The following SUSD1 variants were observed in gnomAD, a reference collection of about 807,000 sequenced individuals.
The protein encoded by SUSD1 is sushi domain-containing protein 1.
SUSD1 carries 65 observed loss-of-function variants against 86.9 expected under a neutral mutation model. The ratio of observed to expected loss-of-function variants is 0.75; its 90% CI spans 0.61 to 0.92. The LOEUF is 0.92. SUSD1 is among the 40% of genes least tolerant of loss of function. The probability of loss-of-function intolerance (pLI) is 0.00; values close to 1 mark genes in which losing one functional copy is unlikely to be tolerated. For synonymous variants in SUSD1, 346 were observed against 350.0 expected (o/e 0.99, Z 0.13); for missense variants, 850 against 929.7 (o/e 0.91, Z 1.11).
At chr9:112,050,953 C>G (rs1828163709) in intron 15 of SUSD1, among the ~76,000 whole-genome samples, 1 of 152,210 alleles carries the variant, frequency 6.6e-6, no homozygotes, top group Admixed American at 6.5e-5. Flanking sequence ...CACTGCATCT[C>G]TAAGGAAAGG....
At chr9:112,055,572 G>A (rs1828411586) in intron 14 of SUSD1, among the ~76,000 whole-genome samples, 1 of 152,156 alleles carries the variant, frequency 6.6e-6, no homozygotes, top group Non-Finnish European at 1.5e-5. Flanking sequence ...ATGGAAAATG[G>A]TATAGCACTA....
intron 8 of SUSD1, among the ~76,000 whole-genome samples, chr9:112,109,338 C>G (rs1830992508): frequency 6.6e-6 from 1 of 152,064 alleles, no homozygotes; most frequent in Non-Finnish European, 1.5e-5. Flanking sequence ...AGGAAAATAG[C>G]ATAACTCCAA....
intron 15 of SUSD1, 178 bp from the exon 16 acceptor site, chr9:112,042,138 C>T (rs1827768718): frequency 3.9e-6 from 6 of 1,539,154 alleles, no homozygotes; most frequent in Middle Eastern, 1.7e-4. Flanking sequence ...GATATGCAGC[C>T]TCAGGAAATT....
chr9:112,136,157 T>A (rs951737555), intron 5 of SUSD1, among the ~76,000 whole-genome samples: 2 of 152,246 alleles, frequency 1.3e-5, no homozygotes, highest in Non-Finnish European at 2.9e-5. Context: ...ATGCAGTTTT[T>A]AAAAATGTGT....
intron 1 of SUSD1, among the ~76,000 whole-genome samples, chr9:112,165,969 G>GAAAGA (rs1564358285): frequency 4.6e-5 from 7 of 150,966 alleles, no homozygotes; most frequent in African/African-American, 1.7e-4. Flanking sequence ...AAGAAAGAAA[G>GAAAGA]AAAGAAAGAA....
At chr9:112,151,664 G>A (rs1564343310) in intron 2 of SUSD1, among the ~76,000 whole-genome samples, 1 of 151,816 alleles carries the variant, frequency 6.6e-6, no homozygotes, top group Non-Finnish European at 1.5e-5. Flanking sequence ...CACTTTGGGA[G>A]GCCAAGGCAG....
At chr9:112,142,803 CAA>C (rs1231253022) in intron 4 of SUSD1, among the ~76,000 whole-genome samples, 2 of 151,944 alleles carry the variant, frequency 1.3e-5, no homozygotes, top group Non-Finnish European at 2.9e-5. Context: ...ATCTGAATTG[CAA>C]AATACCTTAA....
At chr9:112,105,507 T>C (rs1830800762) in intron 8 of SUSD1, among the ~76,000 whole-genome samples, 1 of 152,014 alleles carries the variant, frequency 6.6e-6, no homozygotes, top group African/African-American at 2.4e-5. Flanking sequence ...TCACTTGAGG[T>C]CAGGAGTTTG....
chr9:112,054,566 G>A (rs932300650), intron 14 of SUSD1, among the ~76,000 whole-genome samples: 1 of 150,724 alleles, frequency 6.6e-6, no homozygotes, highest in African/African-American at 2.4e-5. Context: ...CAGCCTGGGT[G>A]ACAAACTGAA....
At chr9:112,129,565 G>A (rs757963649) in intron 5 of SUSD1, among the ~76,000 whole-genome samples, 1 of 152,130 alleles carries the variant, frequency 6.6e-6, no homozygotes, top group Admixed American at 6.5e-5. Flanking sequence ...TGCCCACTTC[G>A]CCCTCCCAAA....
intron 3 of SUSD1, among the ~76,000 whole-genome samples, chr9:112,148,384 A>G (rs1832897586): frequency 6.6e-6 from 1 of 152,152 alleles, no homozygotes. Flanking sequence ...CAAAGCTCCC[A>G]TGCTCCCAAA....
At chr9:112,049,390 CAGAG>C (rs1324899527) in intron 15 of SUSD1, among the ~76,000 whole-genome samples, 1 of 152,150 alleles carries the variant, frequency 6.6e-6, no homozygotes, top group East Asian at 1.9e-4. Flanking sequence ...TCAGAGATCC[CAGAG>C]AGAGGGCGAC....
At chr9:112,122,312 C>T (rs1035028007) in intron 6 of SUSD1, among the ~76,000 whole-genome samples, 2 of 152,210 alleles carry the variant, frequency 1.3e-5, no homozygotes, top group East Asian at 1.9e-4. Context: ...AGGTGTGCAC[C>T]GCCACACCTG....
intron 15 of SUSD1, among the ~76,000 whole-genome samples, chr9:112,045,813 T>C (rs1179452955): frequency 2.0e-5 from 3 of 152,256 alleles, no homozygotes; most frequent in Non-Finnish European, 2.9e-5. Flanking sequence ...ATCCATCTCA[T>C]GTGAAAATTG....
In SUSD1 at chr9:112,116,480, C is replaced by T. The variant is rs117902711; in HGVS notation, c.887-3612G>A. Among the ~76,000 whole-genome samples the T allele has an allele frequency of 2.6e-3, 396 of 152,334 alleles. 8 individuals carry two copies. In the East Asian group the frequency reaches 0.03, roughly 12 times the overall value. ...TTCCAATAGTGCTGATAACTGAAAA[C>T]ATTTCTGGAAGTCCTCTTTGGAGCT... is the stretch of plus-strand genomic sequence containing the variant. On this transcript the variant is annotated intron_variant, in intron 6 of 16. Transcript: ENST00000374270.
intron 10 of SUSD1, among the ~76,000 whole-genome samples, chr9:112,096,645 T>C (rs565763554): frequency 6.6e-6 from 1 of 152,216 alleles, no homozygotes; most frequent in African/African-American, 2.4e-5. Flanking sequence ...ACTCAAGAGA[T>C]TCTCCCACCT....
chr9:112,143,036 G>A (rs1469540157), intron 4 of SUSD1, among the ~76,000 whole-genome samples: 1 of 120,684 alleles, frequency 8.3e-6, no homozygotes, highest in East Asian at 2.8e-4. Flanking sequence ...CCAGGCTGGA[G>A]TGCAATGGCA....
At chr9:112,130,113 G>A (rs1831951896) in intron 5 of SUSD1, among the ~76,000 whole-genome samples, 2 of 152,188 alleles carry the variant, frequency 1.3e-5, no homozygotes, top group South Asian at 2.1e-4. Context: ...GGTGGCTCAC[G>A]CCTGTAATCC....
At chr9:112,051,848 AACCTAGTGG>A (rs1433079558) in intron 15 of SUSD1, among the ~76,000 whole-genome samples, 2 of 151,894 alleles carry the variant, frequency 1.3e-5, no homozygotes, top group Non-Finnish European at 2.9e-5. Flanking sequence ...TTTCATTGCA[AACCTAGTGG>A]ACCTATTGTT....
Sources: gnomAD v4.1 joint callset for allele counts (sites outside exome capture counted in the v4.1 genomes callset) on GRCh38, gnomAD v4.1.1 for gene constraint, MANE v1.5 for transcripts, NCBI Gene and HGNC (gene_info 2026-07-23, HGNC 2026-07-21) for gene names.